UTP20: variants seen among roughly 807,000 people sequenced by gnomAD.
UTP20 encodes the protein small subunit processome component 20 homolog.
In UTP20, 164 loss-of-function variants were observed where a neutral mutation model predicts 329.5. That is an observed-to-expected ratio of 0.50 (90% CI 0.44 to 0.57). UTP20 has a LOEUF of 0.57. Among genes scored for constraint, UTP20 ranks in the 20% least tolerant of loss-of-function variants. The pLI, the probability that UTP20 is intolerant of heterozygous loss-of-function variation, is 0.00. For missense variants in UTP20, 3,055 were observed against 3,284.2 expected (o/e 0.93, Z 1.71); for synonymous variants, 1,151 against 1,159.3 (o/e 0.99, Z 0.14).
chr12:101,329,112 C>A, intron 26 of UTP20, 129 bp from the exon 27 acceptor site: 1 of 795,482 alleles, frequency 1.3e-6, no homozygotes, highest in Non-Finnish European at 2.0e-6. Flanking sequence ...AGTGCATTGT[C>A]ATCTATAAAT....
At chr12:101,302,858 A>T (rs919272325) in intron 15 of UTP20, among the ~76,000 whole-genome samples, 2 of 152,168 alleles carry the variant, frequency 1.3e-5, no homozygotes, top group African/African-American at 4.8e-5. Flanking sequence ...GACCTTTTAT[A>T]ACTTCTTTAG....
rs561003255 is a variant in UTP20 at position 101,375,200 on chromosome 12, C to T, written c.7263+261C>T. Among the ~76,000 whole-genome samples, 363 of 152,068 alleles carry T rather than the reference C, an allele frequency of 2.4e-3. 1 individual carries two copies. Among genetic ancestry groups the T allele is most frequent in the African/African-American group, 8.3e-3 (345 of 41,476 alleles). On this transcript the variant is annotated intron_variant, in intron 55 of 61. Coordinates refer to ENST00000261637, the MANE Select transcript of UTP20 (RefSeq NM_014503.3). Reference sequence around the variant, plus strand: ...CCTGTATTTCCACCTTTTCAGGAGGCTGAGGCAGGAGGACCGTGCCACTGT... The same window carrying T: ...CCTGTATTTCCACCTTTTCAGGAGGTTGAGGCAGGAGGACCGTGCCACTGT...
rs144983603 is a variant in UTP20, at chr12:101,281,043, A to C, written c.46-73A>C. The C allele has an allele frequency of 1.6e-4, 202 of 1,273,096 alleles. No individual in the cohort carries two copies. In the East Asian group the frequency reaches 4.3e-3, roughly 27 times the overall value. The allele number at this position is 1,273,096 out of a possible 1,614,324, so 78.9% of individuals were successfully genotyped here. A position where few individuals can be genotyped will look rare whatever the true frequency, so the allele number is the denominator to read the frequency against. ...TTTGTGATTAGAGATGCCTACATGC[A>C]GCATTCAAATAGATATTAAAGATCT... On this transcript the variant is annotated intron_variant, in intron 1 of 61. Transcript: ENST00000261637.
At chr12:101,299,885 T>G in intron 13 of UTP20, 48 bp downstream of exon 13, 1 of 1,602,550 alleles carries the variant, frequency 6.2e-7, no homozygotes, top group Non-Finnish European at 8.5e-7. Context: ...ACATGCTGAT[T>G]AAAATATGTT....
At chr12:101,381,330 C>T (rs1243976401) in intron 58 of UTP20, 119 bp downstream of exon 58, 6 of 789,760 alleles carry the variant, frequency 7.6e-6, no homozygotes, top group South Asian at 1.6e-5. Flanking sequence ...GTCAGGAGTT[C>T]GAGATGAGCC....
intron 9 of UTP20, 38 bp from the exon 10 acceptor site, chr12:101,291,932 G>A: frequency 2.5e-6 from 4 of 1,607,422 alleles, no homozygotes; most frequent in Non-Finnish European, 3.4e-6. Flanking sequence ...GTTTTTAAAA[G>A]CTGATTGCTG....
At chr12:101,363,510 T>G (rs1329346525) in intron 44 of UTP20, 66 bp from the exon 45 acceptor site, 1 of 1,445,026 alleles carries the variant, frequency 6.9e-7, no homozygotes, top group East Asian at 2.4e-5. Context: ...CTTTTTTCAG[T>G]GACTGCTTAT....
At chr12:101,380,078 T>A (rs996499828) in intron 57 of UTP20, among the ~76,000 whole-genome samples, 1 of 152,136 alleles carries the variant, frequency 6.6e-6, no homozygotes, top group African/African-American at 2.4e-5. Flanking sequence ...ATCACGTTCA[T>A]GAAAATGTCA....
intron 47 of UTP20, among the ~76,000 whole-genome samples, chr12:101,367,024 A>G (rs1256717022): frequency 6.6e-6 from 1 of 152,156 alleles, no homozygotes; most frequent in African/African-American, 2.4e-5. Flanking sequence ...TCACACCCAT[A>G]ATCCCAGCAC....
At chr12:101,350,672 T>TCTAAGTAC (rs1869485522) in intron 38 of UTP20, among the ~76,000 whole-genome samples, 1 of 152,162 alleles carries the variant, frequency 6.6e-6, no homozygotes, top group Admixed American at 6.5e-5. Context: ...ACACTACCAT[T>TCTAAGTAC]CTAAGTACCT....
chr12:101,310,695 T>C (rs1335750857), intron 19 of UTP20, among the ~76,000 whole-genome samples: 1 of 152,022 alleles, frequency 6.6e-6, no homozygotes, highest in African/African-American at 2.4e-5. Context: ...ATTGGAAATA[T>C]GTCGTGTGAG....
intron 27 of UTP20, among the ~76,000 whole-genome samples, chr12:101,332,562 G>C (rs1332425960): frequency 6.6e-6 from 1 of 152,208 alleles, no homozygotes; most frequent in East Asian, 1.9e-4. Flanking sequence ...GGAGATGCCA[G>C]TGGAAGTAGC....
At chr12:101,375,476 GCCCCCA>G (rs1870442329) in intron 55 of UTP20, 142 bp from the exon 56 acceptor site, 22 of 730,984 alleles carry the variant, frequency 3.0e-5, no homozygotes, top group Middle Eastern at 3.6e-4. Context: ...GCACATGGCA[GCCCCCA>G]CAGGAAAGGA....
intron 21 of UTP20, among the ~76,000 whole-genome samples, chr12:101,315,106 A>C (rs113775509): frequency 4.6e-5 from 7 of 151,976 alleles, no homozygotes; most frequent in Admixed American, 3.3e-4. Flanking sequence ...TCTGCTCCCA[A>C]AAAAAGACTT....
chr12:101,326,876 A>T (rs1192754411), intron 25 of UTP20: 1 of 468,914 alleles, frequency 2.1e-6, no homozygotes, highest in African/African-American at 2.0e-5. Flanking sequence ...GGCACGTAGC[A>T]CTGCACCCAG....
In UTP20 at chr12:101,334,461, A is replaced by T; in HGVS notation, c.3598A>T (p.Thr1200Ser). The T allele has an allele frequency of 6.2e-7, 1 of 1,611,726 alleles. No individual in the cohort carries two copies. Among genetic ancestry groups the T allele is most frequent in the Non-Finnish European group, 8.5e-7 (1 of 1,179,788 alleles). ...TGGATCTGAGAGTCAATATTCTCCTACTCCTCTGCTGAAACTGATCAGTAT... is the reference window on the plus strand; with the variant it reads ...TGGATCTGAGAGTCAATATTCTCCTTCTCCTCTGCTGAAACTGATCAGTAT... ...RLGSESQYSP[T>S]PLLKLISIWS... is the part of the protein sequence containing the mutation. Residue 1200 changes from threonine to serine, a missense_variant, in exon 29 of 62, where the codon ACT becomes TCT. By Grantham distance (58) the Thr-to-Ser change is moderately conservative. This residue lies in a region of UTP20 where 2,445 missense variants were observed against 2,575.5 expected (regional missense o/e 0.95). Coordinates refer to ENST00000261637, the MANE Select transcript of UTP20 (RefSeq NM_014503.3).
intron 19 of UTP20, among the ~76,000 whole-genome samples, chr12:101,310,297 C>T (rs971618200): frequency 4.0e-5 from 6 of 151,888 alleles, no homozygotes; most frequent in Non-Finnish European, 5.9e-5. Context: ...TGTTATAGGC[C>T]GGGCACGGTG....
chr12:101,323,094 A>T (rs920575595), intron 25 of UTP20, among the ~76,000 whole-genome samples: 2 of 151,260 alleles, frequency 1.3e-5, no homozygotes, highest in Admixed American at 6.6e-5. Flanking sequence ...GAAAATTGAG[A>T]TGATATTTTA....
intron 43 of UTP20, among the ~76,000 whole-genome samples, chr12:101,357,776 A>G (rs1869771310): frequency 6.6e-6 from 1 of 152,142 alleles, no homozygotes; most frequent in Non-Finnish European, 1.5e-5. Flanking sequence ...AAGAGCGCCA[A>G]GTGGAATATA....
Sources: gnomAD v4.1 joint callset for allele counts (sites outside exome capture counted in the v4.1 genomes callset) on GRCh38, gnomAD v4.1.1 for gene constraint, gnomAD v4.1.1 regional missense constraint, MANE v1.5 for transcripts, NCBI Gene and HGNC (gene_info 2026-07-23, HGNC 2026-07-21) for gene names.